The following HDX variants were observed in gnomAD, a reference collection of about 807,000 sequenced individuals.
HDX encodes the protein highly divergent homeobox, also known as chromosome X open reading frame 43.
In HDX, 19 loss-of-function variants were observed where a neutral mutation model predicts 45.2. That is an observed-to-expected ratio of 0.42 (90% CI 0.29 to 0.62). HDX has a LOEUF of 0.62. HDX is among the 20% of genes least tolerant of loss of function. The pLI is 0.20. For missense variants in HDX, 532 were observed against 493.9 expected, an observed-to-expected ratio of 1.08 and a Z score of -0.73; for synonymous variants, 188 against 172.8, an observed-to-expected ratio of 1.09 and a Z score of -0.69.
chrX:84,491,451 G>T (rs1263363819), intron 1 of HDX, among the ~76,000 whole-genome samples: 2 of 111,501 alleles, frequency 1.8e-5, no homozygotes, highest in African/African-American at 6.5e-5. Flanking sequence ...TGAACATATG[G>T]ATTGCAGAAA....
intron 9 of HDX, among the ~76,000 whole-genome samples, chrX:84,330,517 T>C (rs1237197089): frequency 1.8e-5 from 2 of 111,833 alleles, no homozygotes; most frequent in African/African-American, 6.5e-5. Flanking sequence ...TATATTTTAC[T>C]AAATTTAGGC....
chrX:84,389,677 G>A (rs748115026), intron 5 of HDX, among the ~76,000 whole-genome samples: 1 of 111,525 alleles, frequency 9.0e-6, no homozygotes, highest in Non-Finnish European at 1.9e-5. Context: ...GGAGAAGCAG[G>A]TTTCACTCTC....
At position 84,445,251 on chromosome X, in the gene HDX, G is replaced by T. The variant is rs754201593; in HGVS notation, c.1252-4666C>A. On this transcript the variant is annotated intron_variant, in intron 4 of 10. Transcript: ENST00000373177. ...GGAGTATTTGATTACTTAGCATTTTGTTAAATGGTATTTGATTAAATGAAG... is the reference window on the plus strand; with the variant it reads ...GGAGTATTTGATTACTTAGCATTTTTTTAAATGGTATTTGATTAAATGAAG... Among the ~76,000 whole-genome samples, 9 of 111,664 alleles carry T rather than the reference G, an allele frequency of 8.1e-5. No homozygotes were observed. The South Asian group carries it at 2.2e-3, about 28-fold the overall frequency.
At chrX:84,334,661 T>TAA (rs397895017) in intron 8 of HDX, among the ~76,000 whole-genome samples, 2 of 55,783 alleles carry the variant, frequency 3.6e-5, no homozygotes, top group African/African-American at 1.4e-4. Context: ...GTGATTTTTT[T>TAA]AAAAAAAAAG....
intron 1 of HDX, among the ~76,000 whole-genome samples, chrX:84,493,557 T>A (rs993874528): frequency 2.7e-5 from 3 of 112,052 alleles, no homozygotes; most frequent in Non-Finnish European, 5.6e-5. Context: ...AAGGGACATA[T>A]ATGTCTATAG....
At chrX:84,370,304 A>G (rs905664006) in intron 5 of HDX, among the ~76,000 whole-genome samples, 1 of 111,361 alleles carries the variant, frequency 9.0e-6, no homozygotes, top group Admixed American at 9.6e-5. Context: ...ACTACATATC[A>G]TCTTTCCTTG....
chrX:84,446,540 A>G (rs1329535202), intron 4 of HDX, among the ~76,000 whole-genome samples: 1 of 111,651 alleles, frequency 9.0e-6, no homozygotes, highest in Non-Finnish European at 1.9e-5. Flanking sequence ...AAATAAATCA[A>G]ACACAATGTC....
chrX:84,411,246 G>A (rs189316014), intron 5 of HDX, among the ~76,000 whole-genome samples: 10 of 111,425 alleles, frequency 9.0e-5, no homozygotes, highest in Non-Finnish European at 1.5e-4. Flanking sequence ...TTCTGGGTGT[G>A]ATGTTAGGTC....
chrX:84,384,150 G>GT (rs2038253453), intron 5 of HDX, among the ~76,000 whole-genome samples: 1 of 111,348 alleles, frequency 9.0e-6, no homozygotes, highest in Non-Finnish European at 1.9e-5. Flanking sequence ...GGCTGAACCA[G>GT]TTTACATTTC....
At chrX:84,445,668 GA>G (rs113538716) in intron 4 of HDX, among the ~76,000 whole-genome samples, 6,166 of 110,242 alleles carry the variant, frequency 0.056, 427 homozygotes, top group African/African-American at 0.19. Flanking sequence ...CTGGAGCAAA[GA>G]AAAAAAGATG....
At chrX:84,356,537 T>C (rs2037487841) in intron 6 of HDX, among the ~76,000 whole-genome samples, 2 of 110,745 alleles carry the variant, frequency 1.8e-5, no homozygotes, top group Non-Finnish European at 3.8e-5. Context: ...GTTAATAGTT[T>C]TGGCCATTTT....
chrX:84,414,117 C>A (rs184774825), intron 5 of HDX, among the ~76,000 whole-genome samples: 145 of 111,539 alleles, frequency 1.3e-3, no homozygotes, highest in African/African-American at 4.5e-3. Flanking sequence ...TCAATTACTG[C>A]CAGCTAGTGA....
chrX:84,377,222 T>C (rs899196410), intron 5 of HDX, among the ~76,000 whole-genome samples: 8 of 111,965 alleles, frequency 7.1e-5, no homozygotes, highest in Non-Finnish European at 1.5e-4. Flanking sequence ...AGATAGAGCT[T>C]AGATTACAAC....
chrX:84,365,485 G>C (rs376485243), intron 5 of HDX, among the ~76,000 whole-genome samples: 1 of 111,589 alleles, frequency 9.0e-6, no homozygotes, highest in Non-Finnish European at 1.9e-5. Context: ...AGCAGGGTCT[G>C]TGGGAGGCAA....
chrX:84,356,614 C>CT (rs59321751), intron 6 of HDX, among the ~76,000 whole-genome samples: 683 of 39,499 alleles, frequency 0.017, 74 homozygotes, highest in African/African-American at 0.055. Context: ...CTGTGGATAT[C>CT]TTTTTTTTTT....
intron 7 of HDX, among the ~76,000 whole-genome samples, chrX:84,338,421 C>T (rs1409009137): frequency 1.8e-5 from 2 of 110,358 alleles, no homozygotes; most frequent in African/African-American, 6.6e-5. Context: ...AACAAATTAA[C>T]ATATCCATTA....
intron 5 of HDX, among the ~76,000 whole-genome samples, chrX:84,368,741 C>T (rs1395965393): frequency 9.0e-6 from 1 of 111,534 alleles, no homozygotes; most frequent in African/African-American, 3.3e-5. Flanking sequence ...CCAGCAGTCC[C>T]CAACATTTTT....
chrX:84,386,865 T>C (rs1447317594), intron 5 of HDX, among the ~76,000 whole-genome samples: 1 of 111,746 alleles, frequency 8.9e-6, no homozygotes, highest in Admixed American at 9.5e-5. Context: ...ATTTTAGTTA[T>C]TTATTTTCTT....
At chrX:84,351,027 CT>C (rs1173560789) in intron 6 of HDX, among the ~76,000 whole-genome samples, 1 of 109,562 alleles carries the variant, frequency 9.1e-6, no homozygotes, top group African/African-American at 3.3e-5. Flanking sequence ...ATCTATCTAT[CT>C]ATCTATCTAT....
Sources: gnomAD v4.1 joint callset for allele counts (sites outside exome capture counted in the v4.1 genomes callset) on GRCh38, gnomAD v4.1.1 for gene constraint, MANE v1.5 for transcripts, NCBI Gene and HGNC (gene_info 2026-07-23, HGNC 2026-07-21) for gene names.